Variants in ERC2 observed in about 807,000 individuals in gnomAD.
The protein encoded by ERC2 is ERC protein 2.
A neutral mutation model predicts 114.8 loss-of-function variants in ERC2; 42 were observed. That is an observed-to-expected ratio of 0.37 (90% CI 0.29 to 0.47). ERC2 has a LOEUF of 0.47. ERC2 is among the 20% of genes least tolerant of loss of function. ERC2 has a pLI of 0.99. For missense variants in ERC2, 939 were observed against 1,150.7 expected (o/e 0.82, Z 2.66); for synonymous variants, 454 against 425.5 (o/e 1.07, Z -0.82).
At position 56,327,211 on chromosome 3, in the gene ERC2, G is replaced by T. The variant is rs116265058; in HGVS notation, c.658-30776C>A. Among the ~76,000 whole-genome samples the T allele has an allele frequency of 9.1e-3, 1,381 of 152,324 alleles. 20 individuals are homozygous for T. The highest frequency in any genetic ancestry group is 0.03 in the African/African-American group (1,262 of 41,568). On this transcript the variant is annotated intron_variant, in intron 2 of 17. Transcript: ENST00000288221. ...GATTGACTCACAGTTTAGCATGGCA[G>T]GAGAAGCCTCAGGAAACTTACAATC... is the stretch of plus-strand genomic sequence containing the variant.
intron 2 of ERC2, among the ~76,000 whole-genome samples, chr3:56,342,431 C>T (rs1469469034): frequency 6.6e-6 from 1 of 152,196 alleles, no homozygotes; most frequent in Non-Finnish European, 1.5e-5. Flanking sequence ...AGGAAATTAC[C>T]ATTCATCAGA....
rs550332167 is a variant in ERC2 at position 55,773,822 on chromosome 3, T to C, written c.2565-38904A>G. On this transcript the variant is annotated intron_variant, in intron 14 of 17. Transcript: ENST00000288221. ...CTTGCAAGTGCACAGAGAAAAACTGTAAGTATATTTTTTGGTTCACTGAAC... is the reference window on the plus strand; with the variant it reads ...CTTGCAAGTGCACAGAGAAAAACTGCAAGTATATTTTTTGGTTCACTGAAC... Among the ~76,000 whole-genome samples, 24 of 152,332 alleles carry C rather than the reference T, an allele frequency of 1.6e-4. No individual in the cohort carries two copies. In the South Asian group the frequency reaches 3.9e-3, roughly 25 times the overall value.
At chr3:56,268,486 TAA>T (rs1452711516) in intron 3 of ERC2, among the ~76,000 whole-genome samples, 4 of 152,068 alleles carry the variant, frequency 2.6e-5, no homozygotes, top group Non-Finnish European at 2.9e-5. Context: ...AAAATAAATA[TAA>T]GAGAATTCTA....
intron 17 of ERC2, among the ~76,000 whole-genome samples, chr3:55,645,109 C>T (rs2060339267): frequency 1.3e-5 from 2 of 152,094 alleles, no homozygotes; most frequent in African/African-American, 4.8e-5. Flanking sequence ...GGAAAGAGAT[C>T]TGGGACTTTA....
intron 6 of ERC2, among the ~76,000 whole-genome samples, chr3:56,112,608 C>G (rs894133503): frequency 6.6e-6 from 1 of 151,946 alleles, no homozygotes; most frequent in Admixed American, 6.6e-5. Flanking sequence ...AAAAGGTGAT[C>G]CTGGAATTTG....
intron 15 of ERC2, among the ~76,000 whole-genome samples, chr3:55,704,854 A>G (rs749701589): frequency 6.6e-5 from 10 of 152,238 alleles, no homozygotes; most frequent in Non-Finnish European, 1.3e-4. Flanking sequence ...AACATCTGCA[A>G]CTGCAATGAT....
At chr3:55,799,415 TATATATGC>T (rs1442874493) in intron 14 of ERC2, among the ~76,000 whole-genome samples, 7 of 136,672 alleles carry the variant, frequency 5.1e-5, no homozygotes, top group African/African-American at 2.2e-4. Context: ...ATATGCCTTA[TATATATGC>T]ATATATATAT....
At chr3:55,974,531 T>A (rs1266019331) in intron 12 of ERC2, among the ~76,000 whole-genome samples, 2 of 152,194 alleles carry the variant, frequency 1.3e-5, no homozygotes, top group African/African-American at 2.4e-5. Flanking sequence ...AAAAAATGAT[T>A]CCTGGAACAG....
intron 6 of ERC2, among the ~76,000 whole-genome samples, chr3:56,124,284 T>C (rs1410377953): frequency 6.6e-6 from 1 of 152,246 alleles, no homozygotes; most frequent in Non-Finnish European, 1.5e-5. Context: ...ATGTCAGTCA[T>C]CTGTATAAGG....
intron 17 of ERC2, chr3:55,657,522 C>G (rs1382454978): frequency 6.6e-6 from 1 of 152,176 alleles, no homozygotes; most frequent in Non-Finnish European, 1.5e-5. Flanking sequence ...GTGGCATGAT[C>G]TCAACTCACT....
At chr3:56,140,682 GTCTA>G (rs1301052070) in intron 5 of ERC2, among the ~76,000 whole-genome samples, 3 of 152,110 alleles carry the variant, frequency 2.0e-5, no homozygotes, top group African/African-American at 4.8e-5. Context: ...ATTCTCAAGT[GTCTA>G]TCTAAGATTT....
intron 17 of ERC2, among the ~76,000 whole-genome samples, chr3:55,577,223 C>A (rs2057029672): frequency 6.6e-6 from 1 of 151,440 alleles, no homozygotes. Context: ...ATTCCCACTG[C>A]ATTGCTACTT....
chr3:55,764,754 T>TGA (rs903584910), intron 14 of ERC2, among the ~76,000 whole-genome samples: 2 of 152,346 alleles, frequency 1.3e-5, no homozygotes, highest in African/African-American at 4.8e-5. Flanking sequence ...CAAGAATTCA[T>TGA]GAGACCAACT....
intron 8 of ERC2, among the ~76,000 whole-genome samples, chr3:56,011,602 C>A (rs1043300807): frequency 3.7e-5 from 4 of 109,474 alleles, no homozygotes; most frequent in Non-Finnish European, 8.1e-5. Context: ...AAGTAAGAAA[C>A]TTAAACACAC....
At chr3:55,747,029 T>G (rs1227649937) in intron 14 of ERC2, among the ~76,000 whole-genome samples, 2 of 152,188 alleles carry the variant, frequency 1.3e-5, no homozygotes, top group Non-Finnish European at 2.9e-5. Context: ...AATATTGCCC[T>G]TTTCAATTTT....
chr3:56,048,102 A>G (rs144516803), intron 7 of ERC2, among the ~76,000 whole-genome samples: 1 of 152,364 alleles, frequency 6.6e-6, no homozygotes, highest in Non-Finnish European at 1.5e-5. Flanking sequence ...TATTCAGATG[A>G]TATTCAGATA....
intron 3 of ERC2, among the ~76,000 whole-genome samples, chr3:56,206,286 T>C (rs575159969): frequency 6.6e-6 from 1 of 152,206 alleles, no homozygotes; most frequent in South Asian, 2.1e-4. Context: ...TATCCATGCC[T>C]CCAAAGCTTT....
At chr3:56,236,277 CAT>C (rs1491129718) in intron 3 of ERC2, among the ~76,000 whole-genome samples, 1 of 137,378 alleles carries the variant, frequency 7.3e-6, no homozygotes, top group Non-Finnish European at 1.7e-5. Context: ...CATTTCGATA[CAT>C]TTTTTTTTTC....
chr3:56,410,911 C>T (rs1374225191), intron 2 of ERC2, among the ~76,000 whole-genome samples: 1 of 151,994 alleles, frequency 6.6e-6, no homozygotes, highest in African/African-American at 2.4e-5. Context: ...ACTTGTCCCT[C>T]CTTGCCCAGG....
Sources: gnomAD v4.1 joint callset for allele counts (sites outside exome capture counted in the v4.1 genomes callset) on GRCh38, gnomAD v4.1.1 for gene constraint, MANE v1.5 for transcripts, NCBI Gene and HGNC (gene_info 2026-07-23, HGNC 2026-07-21) for gene names.